Variants in MGAT4D observed in about 807,000 individuals in gnomAD.
The protein encoded by MGAT4D is MGAT4 family member D.
A neutral mutation model predicts 15.9 loss-of-function variants in MGAT4D; 34 were observed. The observed-to-expected ratio is 2.14, with a 90% confidence interval of 1.62 to 2.84. The LOEUF (loss-of-function observed/expected upper bound fraction) is 2.84. Ranked by LOEUF, MGAT4D falls within the 30% of genes most tolerant of loss-of-function variation. MGAT4D has a pLI of 0.00. For synonymous variants in MGAT4D, 112 were observed against 48.2 expected (o/e 2.33, Z -5.49); for missense variants, 327 against 140.2 (o/e 2.33, Z -6.73).
At chr4:140,456,191 T>C (rs1386455642) in intron 9 of MGAT4D, among the ~76,000 whole-genome samples, 7 of 152,230 alleles carry the variant, frequency 4.6e-5, no homozygotes, top group Non-Finnish European at 8.8e-5. Flanking sequence ...GTATGGTATA[T>C]ATTTTTTTCA....
intron 3 of MGAT4D, among the ~76,000 whole-genome samples, chr4:140,476,307 C>G (rs917495687): frequency 2.6e-5 from 4 of 152,094 alleles, no homozygotes; most frequent in African/African-American, 9.7e-5. Context: ...TGTTTTGCCC[C>G]TTGATGAAGA....
At chr4:140,460,497 C>G (rs944741357) in intron 7 of MGAT4D, among the ~76,000 whole-genome samples, 3 of 152,202 alleles carry the variant, frequency 2.0e-5, no homozygotes, top group African/African-American at 7.2e-5. Flanking sequence ...ACAGGCTCCA[C>G]CTCCAAATAC....
intron 7 of MGAT4D, among the ~76,000 whole-genome samples, chr4:140,460,292 T>C (rs2126721796): frequency 6.6e-6 from 1 of 152,314 alleles, no homozygotes; most frequent in South Asian, 2.1e-4. Flanking sequence ...ACATTTATAT[T>C]TCATAGTCCT....
intron 1 of MGAT4D, among the ~76,000 whole-genome samples, chr4:140,492,548 G>C (rs1336121248): frequency 6.6e-6 from 1 of 151,660 alleles, no homozygotes; most frequent in Non-Finnish European, 1.5e-5. Context: ...GAATTGCTTG[G>C]ACCTGGGAGG....
At chr4:140,461,892 C>G in intron 7 of MGAT4D, 37 bp downstream of exon 7, 2 of 647,608 alleles carry the variant, frequency 3.1e-6, no homozygotes, top group South Asian at 3.5e-5. Context: ...CACACACACA[C>G]ACACACACAC....
chr4:140,493,310 T>C (rs1370706851), intron 1 of MGAT4D, among the ~76,000 whole-genome samples: 3 of 146,652 alleles, frequency 2.0e-5, no homozygotes, highest in African/African-American at 5.2e-5. Context: ...TTTTTTTTTT[T>C]CCTGAGATGG....
chr4:140,482,560 G>A, intron 1 of MGAT4D, 75 bp from the exon 2 acceptor site: 1 of 544,486 alleles, frequency 1.8e-6, no homozygotes, highest in South Asian at 2.6e-5. Flanking sequence ...AGGTAAGAAT[G>A]TAAAGTATAA....
At chr4:140,445,274 C>T (rs942547182) in intron 10 of MGAT4D, among the ~76,000 whole-genome samples, 2 of 152,078 alleles carry the variant, frequency 1.3e-5, no homozygotes, top group African/African-American at 2.4e-5. Context: ...TTCTCTAATG[C>T]TTAGTGATAC....
intron 1 of MGAT4D, among the ~76,000 whole-genome samples, chr4:140,493,173 C>G (rs956392811): frequency 2.6e-5 from 4 of 152,006 alleles, no homozygotes; most frequent in Non-Finnish European, 5.9e-5. Context: ...ATCACTCAAG[C>G]TAATAACTGA....
intron 6 of MGAT4D, 71 bp downstream of exon 6, chr4:140,464,825 T>C: frequency 1.5e-6 from 1 of 687,818 alleles, no homozygotes; most frequent in Non-Finnish European, 2.6e-6. Flanking sequence ...TAGTTTCTAA[T>C]ATGAGCTGAT....
At chr4:140,494,930 T>C (rs1173085554) in intron 1 of MGAT4D, among the ~76,000 whole-genome samples, 1 of 152,196 alleles carries the variant, frequency 6.6e-6, no homozygotes, top group Admixed American at 6.5e-5. Context: ...AATTAAAAAT[T>C]CTTGGAGCAT....
chr4:140,491,605 T>C (rs1038107762), intron 1 of MGAT4D, among the ~76,000 whole-genome samples: 1 of 151,844 alleles, frequency 6.6e-6, no homozygotes, highest in Non-Finnish European at 1.5e-5. Context: ...GCAGGTCATC[T>C]ACAAGAAGGT....
intron 5 of MGAT4D, among the ~76,000 whole-genome samples, chr4:140,470,452 C>CGGCCT (rs1307235007): frequency 6.6e-6 from 1 of 152,238 alleles, no homozygotes; most frequent in Non-Finnish European, 1.5e-5. Context: ...AAACAAAACA[C>CGGCCT]GGCCTGTCAG....
At chr4:140,448,312 T>G (rs77837864) in intron 10 of MGAT4D, among the ~76,000 whole-genome samples, 1,549 of 152,312 alleles carry the variant, frequency 0.01, 26 homozygotes, top group African/African-American at 0.035. Context: ...GTTGTTGGCT[T>G]TCTCCCTGTC....
intron 10 of MGAT4D, among the ~76,000 whole-genome samples, chr4:140,447,561 T>C (rs1015744422): frequency 6.6e-6 from 1 of 152,172 alleles, no homozygotes; most frequent in Non-Finnish European, 1.5e-5. Context: ...GGTAGATTTT[T>C]CTCCATCCAT....
At chr4:140,482,941 T>C (rs1578705342) in intron 1 of MGAT4D, among the ~76,000 whole-genome samples, 1 of 152,180 alleles carries the variant, frequency 6.6e-6, no homozygotes. Context: ...GTATTTAGCA[T>C]TATTTTTAAA....
At chr4:140,450,745 C>T (rs1470615106) in intron 10 of MGAT4D, among the ~76,000 whole-genome samples, 1 of 152,032 alleles carries the variant, frequency 6.6e-6, no homozygotes, top group African/African-American at 2.4e-5. Context: ...GTGGAAGAAA[C>T]CTGAAGGATC....
intron 1 of MGAT4D, among the ~76,000 whole-genome samples, chr4:140,496,698 C>T (rs1434768304): frequency 3.9e-5 from 6 of 152,074 alleles, no homozygotes; most frequent in Non-Finnish European, 5.9e-5. Flanking sequence ...CAAAAATTAT[C>T]CGGGCATGGT....
chr4:140,493,076 C>A (rs562394719), intron 1 of MGAT4D, among the ~76,000 whole-genome samples: 1 of 152,166 alleles, frequency 6.6e-6, no homozygotes, highest in African/African-American at 2.4e-5. Context: ...TATACAAATT[C>A]TTTTAACTGA....
Sources: allele counts gnomAD v4.1 joint callset (sites outside exome capture counted in the v4.1 genomes callset), GRCh38; gene constraint gnomAD v4.1.1; transcripts MANE v1.5; gene names NCBI Gene and HGNC (gene_info 2026-07-23, HGNC 2026-07-21).